Variants in RAPGEF3 observed in about 807,000 individuals in gnomAD.
RAPGEF3 encodes 9330170P05Rik.
In RAPGEF3, 103 loss-of-function variants were observed where a neutral mutation model predicts 129.8. That is an observed-to-expected ratio of 0.79 (90% CI 0.68 to 0.93). RAPGEF3 has a LOEUF of 0.93. RAPGEF3 is among the 40% of genes least tolerant of loss of function. The pLI, the probability that RAPGEF3 is intolerant of heterozygous loss-of-function variation, is 0.00. For synonymous variants in RAPGEF3, 436 were observed against 482.6 expected (o/e 0.90, Z 1.26); for missense variants, 1,117 against 1,207.4 (o/e 0.93, Z 1.11).
At position 47,757,850 on chromosome 12, in the gene RAPGEF3, G is replaced by A; in HGVS notation, c.219+16C>T. On this transcript the variant is annotated intron_variant, in intron 2 of 27. Coordinates refer to ENST00000449771, the MANE Select transcript of RAPGEF3 (RefSeq NM_001098531.4). ...TGGTACTGGCCCTGGCACCTGGGCA[G>A]GTGAAAGGTACTCACCCAGCGCAGC... The A allele has an allele frequency of 1.9e-6, 3 of 1,548,126 alleles. No homozygotes were observed. Among genetic ancestry groups the A allele is most frequent in the East Asian group, 2.4e-5 (1 of 41,230 alleles).
At chr12:47,741,824 T>C (rs73105845) in intron 18 of RAPGEF3, 45,938 of 576,546 alleles carry the variant, frequency 0.08, 2,236 homozygotes, top group Middle Eastern at 0.11. Context: ...TCTCAGTGAG[T>C]CAGGAAGAAC....
At chr12:47,756,164 C>A (rs1942039746) in intron 2 of RAPGEF3, 1 of 152,254 alleles carries the variant, frequency 6.6e-6, no homozygotes, top group South Asian at 2.1e-4. Context: ...CCCTGCACAC[C>A]AGCCCTTCAT....
chr12:47,747,180 A>T (rs73304409), intron 15 of RAPGEF3, among the ~76,000 whole-genome samples: 17,591 of 152,200 alleles, frequency 0.12, 1,133 homozygotes, highest in African/African-American at 0.17. Flanking sequence ...ACCCCCCTGA[A>T]TCTCAGCTGC....
At position 47,748,487 on chromosome 12, in the gene RAPGEF3, T is replaced by C; in HGVS notation, c.1210A>G (p.Met404Val). ...TCATGAGCACTGGAATCTGGTCCCATGGCCTCCAACAGAAGCTCTAGGATC... is the reference window on the plus strand; with the variant it reads ...TCATGAGCACTGGAATCTGGTCCCACGGCCTCCAACAGAAGCTCTAGGATC... ...EKILELLLEA[M>V]GPDSSAHDPT... Residue 404 changes from methionine (M) to valine (V), a missense_variant, in exon 12 of 28, where the codon ATG becomes GTG. Transcript: ENST00000449771. 6.2e-7 allele frequency: 1 copy of C among 1,613,888 alleles called. No individual in the cohort carries two copies. Among genetic ancestry groups the C allele is most frequent in the Middle Eastern group, 1.7e-4 (1 of 5,960 alleles).
intron 16 of RAPGEF3, chr12:47,745,653 T>G (rs895962366): frequency 3.9e-5 from 6 of 152,038 alleles, no homozygotes; most frequent in Non-Finnish European, 7.4e-5. Flanking sequence ...CCTCCCGTTT[T>G]CAGGAGCGGA....
intron 1 of RAPGEF3, 130 bp downstream of exon 1, chr12:47,758,421 C>G (rs144542618): frequency 2.3e-5 from 36 of 1,542,218 alleles, no homozygotes; most frequent in Middle Eastern, 1.8e-4. Context: ...AATGCAGCTT[C>G]GGCTTAAACC....
At chr12:47,741,753 GT>G (rs1212196538) in intron 18 of RAPGEF3, 151 bp from the exon 19 acceptor site, 1 of 648,878 alleles carries the variant, frequency 1.5e-6, no homozygotes, top group African/African-American at 1.8e-5. Flanking sequence ...GAATACACAG[GT>G]GCATGTGCCC....
intron 2 of RAPGEF3, 23 bp from the exon 3 acceptor site, chr12:47,751,992 G>A (rs780643007): frequency 6.2e-7 from 1 of 1,613,420 alleles, no homozygotes; most frequent in African/African-American, 1.3e-5. Context: ...GGGAAAGCGT[G>A]CACATCAGTG....
At chr12:47,755,199 A>G (rs1181599100) in intron 2 of RAPGEF3, among the ~76,000 whole-genome samples, 1 of 152,164 alleles carries the variant, frequency 6.6e-6, no homozygotes. Context: ...CAGCTTTGCC[A>G]CTTAGCAGCT....
intron 1 of RAPGEF3, 191 bp from the exon 2 acceptor site, chr12:47,758,269 T>C: frequency 7.0e-7 from 1 of 1,431,906 alleles, no homozygotes; most frequent in Non-Finnish European, 9.1e-7. Flanking sequence ...CTGGCGCACT[T>C]AGGGGTCTCC....
chr12:47,741,128 T>C (rs2136746409), intron 19 of RAPGEF3, 88 bp from the exon 20 acceptor site: 1 of 1,457,262 alleles, frequency 6.9e-7, no homozygotes, highest in Non-Finnish European at 9.3e-7. Context: ...AAGGACTCTA[T>C]GCTCGTGTTA....
chr12:47,741,167 G>A, intron 19 of RAPGEF3, 127 bp from the exon 20 acceptor site: 1 of 1,207,428 alleles, frequency 8.3e-7, no homozygotes, highest in Non-Finnish European at 1.1e-6. Context: ...CAGGAGTGGG[G>A]AGTAGAGGGT....
At chr12:47,756,923 T>A (rs890041506) in intron 2 of RAPGEF3, among the ~76,000 whole-genome samples, 2 of 151,252 alleles carry the variant, frequency 1.3e-5, no homozygotes, top group African/African-American at 4.9e-5. Flanking sequence ...GAGCCAAGAT[T>A]GCTTCACTGC....
Position 47,741,570 on chromosome 12 carries a change from C to T in RAPGEF3, c.1858G>A (p.Val620Met). 1.2e-6 allele frequency: 2 copies of T among 1,614,154 alleles called. No homozygotes were observed. The highest frequency in any genetic ancestry group is 1.7e-6 in the Non-Finnish European group (2 of 1,180,030). The change falls in exon 19 of 28, where the codon GTG (valine) becomes ATG (methionine). Residue 620 changes from valine (V) to methionine (M), a missense_variant. Val to Met is a conservative substitution (Grantham distance 21). Around this residue, in one of 3 missense-constraint regions of RAPGEF3, gnomAD observed 643 missense variants for 673.4 expected, o/e 0.95. Coordinates refer to ENST00000449771, the MANE Select transcript of RAPGEF3 (RefSeq NM_001098531.4). ...TCATTGAGCCCCAGAGATGTGGCCA[C>T]ACCACGGGCATCTGGCTGCAGGCCA... ...AIGLQPDARGVATSLGLNERL... is the reference protein window; with the variant it reads ...AIGLQPDARGMATSLGLNERL...
chr12:47,740,068 G>A (rs1366588704), intron 23 of RAPGEF3, 73 bp downstream of exon 23: 2 of 1,509,436 alleles, frequency 1.3e-6, no homozygotes, highest in African/African-American at 1.4e-5. Context: ...AGCCAAGAGT[G>A]AGGGTGTCTG....
chr12:47,741,710 T>G, intron 18 of RAPGEF3, 108 bp from the exon 19 acceptor site: 1 of 929,304 alleles, frequency 1.1e-6, no homozygotes, highest in Non-Finnish European at 1.7e-6. Flanking sequence ...TTGTTTCTCC[T>G]AGTAGCGGGG....
intron 18 of RAPGEF3, chr12:47,742,205 TATG>T (rs66816571): frequency 0.26 from 39,206 of 152,242 alleles, 4,997 homozygotes; most frequent in Middle Eastern, 0.29. Flanking sequence ...CTATCTTTAT[TATG>T]ATATTAATGT....
chr12:47,742,506 G>A (rs1036940248), intron 18 of RAPGEF3, among the ~76,000 whole-genome samples: 3 of 152,246 alleles, frequency 2.0e-5, no homozygotes, highest in East Asian at 1.9e-4. Flanking sequence ...CTTCTTGAAC[G>A]CCCCTAATTC....
intron 2 of RAPGEF3, among the ~76,000 whole-genome samples, chr12:47,752,174 AC>A (rs1300366675): frequency 6.6e-6 from 1 of 152,108 alleles, no homozygotes; most frequent in Non-Finnish European, 1.5e-5. Flanking sequence ...CATCCTGATC[AC>A]CAAACCCAAC....
Sources: allele counts gnomAD v4.1 joint callset (sites outside exome capture counted in the v4.1 genomes callset), GRCh38; gene constraint gnomAD v4.1.1; regional missense constraint gnomAD v4.1.1; transcripts MANE v1.5; gene names NCBI Gene and HGNC (gene_info 2026-07-23, HGNC 2026-07-21).